The following CRTC3 variants were observed in gnomAD, a reference collection of about 807,000 sequenced individuals.
The protein encoded by CRTC3 is CREB-regulated transcription coactivator 3.
A neutral mutation model predicts 74.5 loss-of-function variants in CRTC3; 26 were observed. The ratio of observed to expected loss-of-function variants is 0.35; its 90% CI spans 0.26 to 0.48. The LOEUF (loss-of-function observed/expected upper bound fraction) is 0.48. Ranked by LOEUF, CRTC3 falls within the 20% of genes least tolerant of loss-of-function variation. The pLI is 0.99. For missense variants in CRTC3, 760 were observed against 787.3 expected (o/e 0.97, Z 0.41); for synonymous variants, 377 against 325.8 (o/e 1.16, Z -1.69).
chr15:90,635,664 GA>G (rs1241986742), intron 11 of CRTC3, among the ~76,000 whole-genome samples: 1 of 151,884 alleles, frequency 6.6e-6, no homozygotes, highest in Non-Finnish European at 1.5e-5. Context: ...TCTGTCTCCA[GA>G]AAAAAAGATT....
At chr15:90,550,866 C>G (rs1199640029) in intron 2 of CRTC3, among the ~76,000 whole-genome samples, 1 of 149,948 alleles carries the variant, frequency 6.7e-6, no homozygotes, top group African/African-American at 2.5e-5. Flanking sequence ...ATGAGCTCTG[C>G]CTGTCCTGTT....
chr15:90,631,338 A>G (rs998813912), intron 11 of CRTC3, among the ~76,000 whole-genome samples: 3 of 152,132 alleles, frequency 2.0e-5, no homozygotes, highest in Non-Finnish European at 2.9e-5. Context: ...TCCTGGGCCC[A>G]AGTGATCCTC....
At chr15:90,545,315 AT>A (rs1234783455) in intron 2 of CRTC3, among the ~76,000 whole-genome samples, 3 of 152,100 alleles carry the variant, frequency 2.0e-5, no homozygotes, top group Non-Finnish European at 4.4e-5. Flanking sequence ...GGGTGTGCAA[AT>A]ATCTCTTCAA....
chr15:90,590,091 G>C (rs889577465), intron 2 of CRTC3, among the ~76,000 whole-genome samples: 3 of 151,976 alleles, frequency 2.0e-5, no homozygotes, highest in African/African-American at 7.3e-5. Context: ...AGGAGTTCGA[G>C]ACCAGTCTGG....
intron 2 of CRTC3, among the ~76,000 whole-genome samples, chr15:90,572,075 T>C (rs1362275813): frequency 6.6e-6 from 1 of 151,024 alleles, no homozygotes; most frequent in Non-Finnish European, 1.5e-5. Context: ...GGCAGGAGAA[T>C]TGCCTGAGCC....
At chr15:90,585,754 C>T (rs527550321) in intron 2 of CRTC3, among the ~76,000 whole-genome samples, 3 of 152,320 alleles carry the variant, frequency 2.0e-5, no homozygotes, top group South Asian at 2.1e-4. Context: ...GCCAGCAACT[C>T]CAGTTCCCTT....
intron 6 of CRTC3, among the ~76,000 whole-genome samples, chr15:90,612,214 G>C (rs1206607653): frequency 6.6e-6 from 1 of 152,018 alleles, no homozygotes; most frequent in Non-Finnish European, 1.5e-5. Flanking sequence ...ACGGGCCAGA[G>C]TTCTAGTCCC....
At chr15:90,637,258 C>A (rs1276558255) in intron 11 of CRTC3, among the ~76,000 whole-genome samples, 2 of 152,156 alleles carry the variant, frequency 1.3e-5, no homozygotes. Flanking sequence ...TTTGTAGGGA[C>A]ATGGATGAAG....
intron 6 of CRTC3, chr15:90,614,163 A>G (rs1443800402): frequency 3.3e-6 from 1 of 305,524 alleles, no homozygotes; most frequent in African/African-American, 2.2e-5. Context: ...TTGAATAGAG[A>G]TTCTCAGGCT....
chr15:90,616,687 C>T (rs1410631855), intron 7 of CRTC3, among the ~76,000 whole-genome samples: 2 of 152,190 alleles, frequency 1.3e-5, no homozygotes, highest in Non-Finnish European at 2.9e-5. Flanking sequence ...GTTTTCTGGT[C>T]TCTTTCTGAG....
chr15:90,564,447 G>A (rs991061902), intron 2 of CRTC3, among the ~76,000 whole-genome samples: 6 of 152,134 alleles, frequency 3.9e-5, no homozygotes, highest in African/African-American at 1.2e-4. Flanking sequence ...AAGCTGTTCA[G>A]AGGACCAGAA....
chr15:90,572,825 C>T (rs1304409515), intron 2 of CRTC3, among the ~76,000 whole-genome samples: 2 of 152,164 alleles, frequency 1.3e-5, no homozygotes, highest in Non-Finnish European at 2.9e-5. Flanking sequence ...ATCTGCCCAC[C>T]TTGGCCTCCC....
intron 2 of CRTC3, among the ~76,000 whole-genome samples, chr15:90,584,448 G>A (rs981456545): frequency 6.6e-6 from 1 of 151,986 alleles, no homozygotes. Context: ...TGTTGGTCAG[G>A]CTGGTCTCGA....
intron 1 of CRTC3, among the ~76,000 whole-genome samples, chr15:90,538,413 A>G (rs528608270): frequency 1.3e-5 from 2 of 152,334 alleles, no homozygotes; most frequent in South Asian, 4.1e-4. Context: ...TGTGCAGTAC[A>G]TTTAAGAAAT....
intron 1 of CRTC3, among the ~76,000 whole-genome samples, chr15:90,537,756 C>G (rs1415227403): frequency 6.6e-6 from 1 of 152,168 alleles, no homozygotes; most frequent in Non-Finnish European, 1.5e-5. Context: ...CTCACTGCAA[C>G]CTCTGCTTCC....
chr15:90,547,309 A>G (rs557581481), intron 2 of CRTC3, among the ~76,000 whole-genome samples: 21 of 152,284 alleles, frequency 1.4e-4, no homozygotes, highest in African/African-American at 4.8e-4. Flanking sequence ...ATGATGTACT[A>G]TAGATATCTT....
chr15:90,574,356 T>C (rs1967350008), intron 2 of CRTC3, among the ~76,000 whole-genome samples: 1 of 152,082 alleles, frequency 6.6e-6, no homozygotes. Flanking sequence ...TGCGCACCTG[T>C]AGTCCCAGCT....
chr15:90,556,155 A>G (rs1283802960), intron 2 of CRTC3, among the ~76,000 whole-genome samples: 1 of 152,166 alleles, frequency 6.6e-6, no homozygotes, highest in Non-Finnish European at 1.5e-5. Flanking sequence ...TAATTTTAAT[A>G]GCTAAATAAT....
intron 6 of CRTC3, among the ~76,000 whole-genome samples, chr15:90,609,166 A>C (rs554757838): frequency 6.6e-6 from 1 of 152,240 alleles, no homozygotes. Flanking sequence ...AGAGAAGACT[A>C]CATTTGCTTA....
Sources: gnomAD v4.1 joint callset for allele counts (sites outside exome capture counted in the v4.1 genomes callset) on GRCh38, gnomAD v4.1.1 for gene constraint, MANE v1.5 for transcripts, NCBI Gene and HGNC (gene_info 2026-07-23, HGNC 2026-07-21) for gene names.